Variants in ASCC3 observed in about 807,000 individuals in gnomAD.
ASCC3 encodes the protein activating signal cointegrator 1 complex subunit 3.
A neutral mutation model predicts 256.3 loss-of-function variants in ASCC3; 158 were observed. That is an observed-to-expected ratio of 0.62 (90% confidence interval 0.54 to 0.70). The LOEUF (loss-of-function observed/expected upper bound fraction) is 0.70. Among genes scored for constraint, ASCC3 ranks in the 30% least tolerant of loss-of-function variants. The pLI, the probability that ASCC3 is intolerant of heterozygous loss-of-function variation, is 0.00. For missense variants in ASCC3, 2,259 were observed against 2,626.0 expected, an observed-to-expected ratio of 0.86 and a Z score of 3.05; for synonymous variants, 948 against 883.4, an observed-to-expected ratio of 1.07 and a Z score of -1.30.
intron 36 of ASCC3, among the ~76,000 whole-genome samples, chr6:100,580,130 ATGT>A (rs539537497): frequency 1.2e-3 from 187 of 152,132 alleles, no homozygotes; most frequent in African/African-American, 4.4e-3. Context: ...CTCAGCTTGA[ATGT>A]TGTTGGTGTA....
At chr6:100,518,980 T>C (rs1440819161) in intron 37 of ASCC3, among the ~76,000 whole-genome samples, 3 of 152,104 alleles carry the variant, frequency 2.0e-5, no homozygotes, top group Non-Finnish European at 4.4e-5. Flanking sequence ...TAGCAAATAA[T>C]TAAAATGATA....
chr6:100,616,551 A>G (rs909913359), intron 30 of ASCC3, among the ~76,000 whole-genome samples: 1 of 152,152 alleles, frequency 6.6e-6, no homozygotes, highest in Non-Finnish European at 1.5e-5. Flanking sequence ...GGGAACTCTT[A>G]TCTCCCATAC....
chr6:100,761,741 GCTCAGAGCTGGGA>G (rs1781432103), intron 10 of ASCC3, among the ~76,000 whole-genome samples: 1 of 152,102 alleles, frequency 6.6e-6, no homozygotes, highest in Non-Finnish European at 1.5e-5. Flanking sequence ...CAAAATCAGA[GCTCAGAGCTGGGA>G]CTCAGAGCTA....
intron 34 of ASCC3, among the ~76,000 whole-genome samples, chr6:100,599,884 C>T (rs1195487654): frequency 6.6e-6 from 1 of 152,044 alleles, no homozygotes; most frequent in Admixed American, 6.6e-5. Context: ...GAGTCCAGAA[C>T]AGCAGCTCAA....
At chr6:100,651,758 C>T (rs759539423) in intron 18 of ASCC3, 112 bp from the exon 19 acceptor site, 61 of 412,676 alleles carry the variant, frequency 1.5e-4, no homozygotes, top group Non-Finnish European at 2.4e-4. Flanking sequence ...CTAGACAGTG[C>T]AGTTATAATG....
intron 1 of ASCC3, among the ~76,000 whole-genome samples, chr6:100,870,794 A>G (rs1773704665): frequency 6.6e-6 from 1 of 152,210 alleles, no homozygotes; most frequent in South Asian, 2.1e-4. Flanking sequence ...GGATTTTTCT[A>G]ACACTAGATA....
At chr6:100,860,176 A>G (rs1432103870) in intron 3 of ASCC3, among the ~76,000 whole-genome samples, 1 of 152,060 alleles carries the variant, frequency 6.6e-6, no homozygotes, top group African/African-American at 2.4e-5. Context: ...TAAAAAGTTT[A>G]TACTTAGAGC....
chr6:100,863,842 C>T (rs574839361), intron 3 of ASCC3, among the ~76,000 whole-genome samples: 52 of 152,148 alleles, frequency 3.4e-4, no homozygotes, highest in African/African-American at 1.0e-3. Flanking sequence ...AGGCTGGTCT[C>T]GAACTCCTGG....
At chr6:100,819,711 C>G (rs1030973960) in intron 4 of ASCC3, among the ~76,000 whole-genome samples, 5 of 152,148 alleles carry the variant, frequency 3.3e-5, no homozygotes, top group Non-Finnish European at 7.4e-5. Flanking sequence ...TTTCCATATT[C>G]TTCTGCCTGC....
chr6:100,629,032 T>C lies in ASCC3; in HGVS notation c.4358A>G (p.Asp1453Gly). The C allele has an allele frequency of 6.2e-7, 1 of 1,613,434 alleles. No homozygotes were observed. Among genetic ancestry groups the C allele is most frequent in the Non-Finnish European group, 8.5e-7 (1 of 1,179,754 alleles). Residue 1453 changes from aspartate (D) to glycine (G), a missense_variant, in exon 27 of 42, where the codon GAT becomes GGT. Physicochemically the swap from Asp to Gly is moderately conservative, Grantham distance 94 (BLOSUM62 -1). This residue lies in a region of ASCC3 where 1,839 missense variants were observed against 2,206.7 expected (regional missense o/e 0.83). Transcript: ENST00000369162. ...YVQQVTILII[D>G]EIHLLGEERG... is the part of the protein sequence containing the mutation. ...GTACCTACCAAGCAGATGGATCTCATCTATGATGAGAATAGTGACTTGCTG... is the reference window on the plus strand; with the variant it reads ...GTACCTACCAAGCAGATGGATCTCACCTATGATGAGAATAGTGACTTGCTG...
chr6:100,530,807 G>A, intron 37 of ASCC3: 1 of 1,160,388 alleles, frequency 8.6e-7, no homozygotes, highest in Non-Finnish European at 1.3e-6. Context: ...ATCTAGAAAT[G>A]GCCATTGCCT....
intron 13 of ASCC3, among the ~76,000 whole-genome samples, chr6:100,704,204 A>G (rs1582727135): frequency 6.6e-6 from 1 of 152,026 alleles, no homozygotes; most frequent in Admixed American, 6.6e-5. Flanking sequence ...CTTTAGTAGT[A>G]CTATCTTTAG....
intron 24 of ASCC3, 97 bp downstream of exon 24, chr6:100,642,484 C>T: frequency 8.0e-7 from 1 of 1,253,780 alleles, no homozygotes; most frequent in Non-Finnish European, 1.2e-6. Context: ...ATAATGATTA[C>T]AAGTAAAACT....
At chr6:100,618,978 C>T (rs981843650) in intron 30 of ASCC3, among the ~76,000 whole-genome samples, 1 of 152,116 alleles carries the variant, frequency 6.6e-6, no homozygotes, top group Admixed American at 6.5e-5. Context: ...ATTATGTTCT[C>T]ATTAATAGAA....
At chr6:100,807,226 C>A (rs1194516517) in intron 4 of ASCC3, among the ~76,000 whole-genome samples, 2 of 151,684 alleles carry the variant, frequency 1.3e-5, no homozygotes, top group Admixed American at 6.6e-5. Flanking sequence ...GCAGAGGAAG[C>A]AGTAAAGAAG....
At position 100,662,485 on chromosome 6, in the gene ASCC3, T is replaced by C; in HGVS notation, c.2338A>G (p.Ser780Gly). The change falls in exon 15 of 42, where the codon AGT becomes GGT. Residue 780 changes from serine (S) to glycine (G), a missense_variant. By Grantham distance (56) the Ser-to-Gly change is moderately conservative. Transcript: ENST00000369162. ...CGAAGCATTCCTGCATGATGAATAC[T>C]AAAACCATCTGGGAATAATTCTCGT... ...QVRELFPDGFSIHHAGMLRQD... is the reference protein window; with the variant it reads ...QVRELFPDGFGIHHAGMLRQD... 1 of 1,613,294 alleles carries C rather than the reference T, an allele frequency of 6.2e-7. No homozygotes were observed. The highest frequency in any genetic ancestry group is 8.5e-7 in the Non-Finnish European group (1 of 1,179,472).
intron 37 of ASCC3, among the ~76,000 whole-genome samples, chr6:100,533,433 C>G (rs1274588697): frequency 2.6e-5 from 4 of 152,120 alleles, no homozygotes; most frequent in Admixed American, 6.6e-5. Context: ...AAAATACATA[C>G]AAGTGTTTTG....
At position 100,569,620 on chromosome 6, in the gene ASCC3, G is replaced by A. The variant is rs1007867088; in HGVS notation, c.5550+20014C>T. On this transcript the variant is annotated intron_variant, in intron 36 of 41. Transcript: ENST00000369162. ...AGGATGGTCTCGATCTCCTGACCTC[G>A]TGATCCGCCCTCCTCAGCCTCCCAA... Among the ~76,000 whole-genome samples the A allele has an allele frequency of 4.6e-5, 7 of 152,146 alleles. No individual in the cohort carries two copies. The South Asian group carries it at 6.2e-4, about 14-fold the overall frequency.
chr6:100,777,978 A>C (rs1782267390), intron 8 of ASCC3, among the ~76,000 whole-genome samples: 1 of 152,148 alleles, frequency 6.6e-6, no homozygotes, highest in Non-Finnish European at 1.5e-5. Context: ...CAGTAATACA[A>C]GTGAAAGGTG....
Sources: gnomAD v4.1 joint callset for allele counts (sites outside exome capture counted in the v4.1 genomes callset) on GRCh38, gnomAD v4.1.1 for gene constraint, gnomAD v4.1.1 regional missense constraint, MANE v1.5 for transcripts, NCBI Gene and HGNC (gene_info 2026-07-23, HGNC 2026-07-21) for gene names.